Variants in SEMA6D observed in about 807,000 individuals in gnomAD.
SEMA6D encodes semaphorin 6D.
Under a neutral mutation model 106.6 loss-of-function variants are expected in SEMA6D, and 35 were observed. That is an observed-to-expected ratio of 0.33 (90% confidence interval 0.25 to 0.44). The LOEUF (loss-of-function observed/expected upper bound fraction) is 0.44, where lower values mean the gene tolerates loss of function less well. Ranked by LOEUF, SEMA6D falls within the 20% of genes least tolerant of loss-of-function variation. The pLI is 1.00. For synonymous variants in SEMA6D, 499 were observed against 487.7 expected (o/e 1.02, Z -0.31); for missense variants, 1,185 against 1,345.9 (o/e 0.88, Z 1.87).
At chr15:47,332,916 A>C (rs1474103914) in intron 1 of SEMA6D, among the ~76,000 whole-genome samples, 1 of 152,200 alleles carries the variant, frequency 6.6e-6, no homozygotes, top group African/African-American at 2.4e-5. Context: ...TCATTTATCT[A>C]GTGTTACCAC....
chr15:47,504,847 G>A (rs12594780), intron 3 of SEMA6D, among the ~76,000 whole-genome samples: 36,689 of 151,992 alleles, frequency 0.24, 5,418 homozygotes, highest in East Asian at 0.48. Flanking sequence ...CTTCCCCGGG[G>A]AGTGTCTGCG....
chr15:47,363,729 T>C (rs1354953172), intron 1 of SEMA6D, among the ~76,000 whole-genome samples: 1 of 152,058 alleles, frequency 6.6e-6, no homozygotes, highest in Non-Finnish European at 1.5e-5. Flanking sequence ...AGGAAGGAAG[T>C]TGTATTCGTT....
intron 4 of SEMA6D, among the ~76,000 whole-genome samples, chr15:47,667,606 T>C (rs2145319687): frequency 6.6e-6 from 1 of 152,320 alleles, no homozygotes; most frequent in South Asian, 2.1e-4. Flanking sequence ...TTGCAGAGGC[T>C]GGGAAGTCCA....
At chr15:47,763,159 CA>C in intron 9 of SEMA6D, 55 bp downstream of exon 9, 1 of 1,364,782 alleles carries the variant, frequency 7.3e-7, no homozygotes, top group Non-Finnish European at 1.0e-6. Context: ...AAATTGAGAC[CA>C]CTGTGATAGA....
At chr15:47,289,560 A>AG (rs564544388) in intron 1 of SEMA6D, among the ~76,000 whole-genome samples, 1 of 152,234 alleles carries the variant, frequency 6.6e-6, no homozygotes, top group South Asian at 2.1e-4. Context: ...GTGAGGCTTC[A>AG]GGGAAAGCAA....
At chr15:47,352,932 C>T (rs2038383330) in intron 1 of SEMA6D, among the ~76,000 whole-genome samples, 1 of 152,148 alleles carries the variant, frequency 6.6e-6, no homozygotes, top group Non-Finnish European at 1.5e-5. Flanking sequence ...GTTGAATGTG[C>T]ACAGTTTGGA....
intron 7 of SEMA6D, 97 bp from the exon 8 acceptor site, chr15:47,762,103 C>T (rs1002790980): frequency 5.1e-5 from 68 of 1,341,934 alleles, no homozygotes; most frequent in Non-Finnish European, 7.0e-5. Flanking sequence ...AATGGTAATA[C>T]CAGTGAGAGC....
chr15:47,766,310 A>G, intron 15 of SEMA6D, 128 bp downstream of exon 15: 1 of 816,938 alleles, frequency 1.2e-6, no homozygotes, highest in Non-Finnish European at 1.9e-6. Flanking sequence ...AAACAGGAAA[A>G]CGAAAACCAG....
At chr15:47,501,260 G>A (rs1415568796) in intron 3 of SEMA6D, among the ~76,000 whole-genome samples, 1 of 152,176 alleles carries the variant, frequency 6.6e-6, no homozygotes, top group Non-Finnish European at 1.5e-5. Flanking sequence ...ATTTTCAGAG[G>A]TGGAATTTTC....
intron 4 of SEMA6D, among the ~76,000 whole-genome samples, chr15:47,614,639 G>T (rs991714458): frequency 1.3e-5 from 2 of 151,954 alleles, no homozygotes; most frequent in African/African-American, 4.8e-5. Flanking sequence ...AAGTACTTTG[G>T]TGCACGTATC....
intron 1 of SEMA6D, among the ~76,000 whole-genome samples, chr15:47,406,905 T>A (rs1474177228): frequency 6.6e-6 from 1 of 152,094 alleles, no homozygotes; most frequent in Non-Finnish European, 1.5e-5. Context: ...ACCCTAGATA[T>A]GTGTGCTACT....
intron 1 of SEMA6D, among the ~76,000 whole-genome samples, chr15:47,226,518 A>G (rs955760268): frequency 1.3e-5 from 2 of 152,104 alleles, no homozygotes; most frequent in African/African-American, 4.8e-5. Flanking sequence ...ATCAATAGGC[A>G]TGCATGCAGA....
At chr15:47,228,503 C>T (rs1348510723) in intron 1 of SEMA6D, among the ~76,000 whole-genome samples, 1 of 151,924 alleles carries the variant, frequency 6.6e-6, no homozygotes, top group Non-Finnish European at 1.5e-5. Flanking sequence ...TGTTAAATCT[C>T]AGTCAGTTCC....
chr15:47,277,775 A>G (rs2034900670), intron 1 of SEMA6D, among the ~76,000 whole-genome samples: 1 of 149,578 alleles, frequency 6.7e-6, no homozygotes, highest in South Asian at 2.1e-4. Context: ...CCCACACCCC[A>G]CAACAGTCCC....
chr15:47,216,436 T>C (rs559210574), intron 1 of SEMA6D, among the ~76,000 whole-genome samples: 18 of 152,276 alleles, frequency 1.2e-4, no homozygotes, highest in African/African-American at 4.3e-4. Flanking sequence ...ACATTATACA[T>C]GTTACACATC....
chr15:47,585,693 T>A (rs1330673199), intron 3 of SEMA6D, among the ~76,000 whole-genome samples: 2 of 152,364 alleles, frequency 1.3e-5, no homozygotes, highest in Middle Eastern at 3.4e-3. Flanking sequence ...TCAATAATAC[T>A]ATTGATAACA....
intron 1 of SEMA6D, among the ~76,000 whole-genome samples, chr15:47,403,171 A>G (rs774885081): frequency 3.9e-5 from 6 of 152,106 alleles, no homozygotes; most frequent in Non-Finnish European, 8.8e-5. Context: ...TTTTTTTTCC[A>G]GAATCCCTGT....
intron 4 of SEMA6D, among the ~76,000 whole-genome samples, chr15:47,663,275 G>A (rs576449247): frequency 1.3e-5 from 2 of 152,228 alleles, no homozygotes; most frequent in African/African-American, 4.8e-5. Flanking sequence ...CTGTGAAAAA[G>A]GCTAAGTGTG....
intron 3 of SEMA6D, among the ~76,000 whole-genome samples, chr15:47,588,752 C>T (rs1176386955): frequency 6.6e-6 from 1 of 152,176 alleles, no homozygotes; most frequent in Non-Finnish European, 1.5e-5. Flanking sequence ...TACACTTAGA[C>T]ATGACTAGTA....
Sources: allele counts gnomAD v4.1 joint callset (sites outside exome capture counted in the v4.1 genomes callset), GRCh38; gene constraint gnomAD v4.1.1; transcripts MANE v1.5; gene names NCBI Gene and HGNC (gene_info 2026-07-23, HGNC 2026-07-21).